CALN1: variants seen among roughly 807,000 people sequenced by gnomAD.
The protein encoded by CALN1 is calcium-binding protein 8.
In CALN1, 17 loss-of-function variants were observed where a neutral mutation model predicts 30.6. That is an observed-to-expected ratio of 0.56 (90% confidence interval 0.38 to 0.83). CALN1 has a LOEUF of 0.83. Among genes scored for constraint, CALN1 ranks in the 40% least tolerant of loss-of-function variants. CALN1 has a pLI of 0.00. For missense variants in CALN1, 291 were observed against 354.9 expected (o/e 0.82, Z 1.45); for synonymous variants, 156 against 131.4 (o/e 1.19, Z -1.28).
rs535616089 is a variant in CALN1, at chr7:72,424,797, A to G, written c.-225-12522T>C. Among the ~76,000 whole-genome samples the G allele has an allele frequency of 2.6e-5, 4 of 152,108 alleles. No individual in the cohort carries two copies. The South Asian group carries it at 6.2e-4, about 24-fold the overall frequency. On this transcript the variant is annotated intron_variant, in intron 1 of 6. Coordinates refer to the CALN1 transcript ENST00000395276. ...TTTTTTGTAGGGATGGGATTTTGCT[A>G]TGTTGACCAGACTGGTCTTAAGCCC...
chr7:72,363,969 A>G (rs1803721989), intron 2 of CALN1, among the ~76,000 whole-genome samples: 1 of 152,130 alleles, frequency 6.6e-6, no homozygotes. Flanking sequence ...CCCTGACCTC[A>G]GGTGATCTGC....
Position 71,786,885 on chromosome 7 carries a change from T to C in CALN1, c.*890A>G, listed in dbSNP as rs987487171. 1 of 152,280 alleles carries C rather than the reference T, an allele frequency of 6.6e-6. No homozygotes were observed. Among genetic ancestry groups the C allele is most frequent in the Admixed American group, 6.6e-5 (1 of 15,248 alleles). 9.4% of individuals were successfully genotyped at this position (152,280 alleles called of 1,614,324 possible). On this transcript the variant is annotated 3_prime_UTR_variant, in exon 7 of 7. Coordinates refer to ENST00000395275, the MANE Select transcript of CALN1 (RefSeq NM_031468.4). ...CCTGCCCCAAAGAAGCAGGGATGAG[T>C]GTGGGAGGGAGGACAAGCTTATATT...
chr7:72,111,084 C>T (rs879799791), intron 3 of CALN1, among the ~76,000 whole-genome samples: 1 of 152,192 alleles, frequency 6.6e-6, no homozygotes, highest in Admixed American at 6.5e-5. Context: ...GCTACGTGAG[C>T]ACGCTGTATC....
In CALN1 at chr7:71,900,899, C is replaced by T. The variant is rs781056669; in HGVS notation, c.502-90407G>A. 9.2e-5 allele frequency among the ~76,000 whole-genome samples: 14 copies of T among 152,298 alleles called. No homozygotes were observed. In the East Asian group the frequency reaches 2.5e-3, roughly 27 times the overall value. On this transcript the variant is annotated intron_variant, in intron 5 of 6. Coordinates refer to ENST00000395275, the MANE Select transcript of CALN1 (RefSeq NM_031468.4). The stretch of plus-strand genomic sequence containing the variant: ...TAGTAGCATGTACAGTAACTGTGCA[C>T]GTGGGCCCAAGAGACCATCCACAAC...
intron 3 of CALN1, among the ~76,000 whole-genome samples, chr7:72,181,774 C>T (rs910314745): frequency 2.0e-5 from 3 of 152,144 alleles, no homozygotes; most frequent in African/African-American, 4.8e-5. Context: ...CACACCCAGC[C>T]GACTTCGGTA....
chr7:71,800,624 T>G (rs191985684), intron 6 of CALN1, among the ~76,000 whole-genome samples: 1 of 152,244 alleles, frequency 6.6e-6, no homozygotes, highest in East Asian at 1.9e-4. Context: ...CTTCCAAATA[T>G]AATATGCTTT....
intron 2 of CALN1, among the ~76,000 whole-genome samples, chr7:72,296,673 ATGGTAGTTTGTATT>A (rs1197453113): frequency 1.4e-5 from 2 of 143,574 alleles, no homozygotes; most frequent in Admixed American, 7.1e-5. Context: ...GTATTCTCTG[ATGGTAGTTTGTATT>A]TCTGTGGGAT....
chr7:72,501,927 AAATAT>A, the CALN1 span, among the ~76,000 whole-genome samples: 3 of 85,260 alleles, frequency 3.5e-5, no homozygotes, highest in Non-Finnish European at 6.5e-5. Context: ...AAAAAAAAAA[AAATAT>A]ATATATATAT....
At chr7:72,161,361 C>G (rs1249025597) in intron 3 of CALN1, among the ~76,000 whole-genome samples, 1 of 152,112 alleles carries the variant, frequency 6.6e-6, no homozygotes, top group Non-Finnish European at 1.5e-5. Context: ...CCAGCCCTGT[C>G]AATTCTCCTT....
intron 5 of CALN1, among the ~76,000 whole-genome samples, chr7:71,830,919 G>A (rs755336040): frequency 2.6e-5 from 4 of 152,140 alleles, no homozygotes; most frequent in Admixed American, 1.3e-4. Flanking sequence ...GTTTGTTATC[G>A]CAGAGGTAAG....
At chr7:72,186,078 G>T (rs978392876) in intron 3 of CALN1, among the ~76,000 whole-genome samples, 1 of 152,052 alleles carries the variant, frequency 6.6e-6, no homozygotes, top group Non-Finnish European at 1.5e-5. Context: ...AAGGGCAGAG[G>T]CATAGCCACA....
At chr7:72,160,822 G>C (rs1788056804) in intron 3 of CALN1, among the ~76,000 whole-genome samples, 1 of 152,182 alleles carries the variant, frequency 6.6e-6, no homozygotes, top group African/African-American at 2.4e-5. Flanking sequence ...ATGGAGAAAG[G>C]TTACCAGCAC....
chr7:71,940,158 T>G (rs1424719778), intron 5 of CALN1, among the ~76,000 whole-genome samples: 1 of 152,180 alleles, frequency 6.6e-6, no homozygotes, highest in Admixed American at 6.5e-5. Context: ...TGATCTCCAC[T>G]TTTTTTCTCC....
At chr7:71,871,199 AT>A (rs1356810267) in intron 5 of CALN1, among the ~76,000 whole-genome samples, 1 of 152,182 alleles carries the variant, frequency 6.6e-6, no homozygotes, top group East Asian at 1.9e-4. Flanking sequence ...TTATTTATTC[AT>A]TTTGGCAAGA....
At chr7:72,154,639 A>G (rs1210224477) in intron 3 of CALN1, among the ~76,000 whole-genome samples, 1 of 152,106 alleles carries the variant, frequency 6.6e-6, no homozygotes, top group Non-Finnish European at 1.5e-5. Context: ...TCCCTCTACT[A>G]AAACTCAGAT....
chr7:72,322,641 A>G (rs1266045396), intron 2 of CALN1, among the ~76,000 whole-genome samples: 2 of 152,088 alleles, frequency 1.3e-5, no homozygotes, highest in African/African-American at 2.4e-5. Flanking sequence ...TAGAGAGTAG[A>G]AGGATGGTTT....
chr7:72,127,795 T>C (rs1050292183), intron 3 of CALN1, among the ~76,000 whole-genome samples: 2 of 152,150 alleles, frequency 1.3e-5, no homozygotes, highest in Non-Finnish European at 2.9e-5. Context: ...CAGTAACTAA[T>C]AACAGCCTTC....
At chr7:72,055,584 G>A (rs1050723502) in intron 4 of CALN1, among the ~76,000 whole-genome samples, 3 of 152,010 alleles carry the variant, frequency 2.0e-5, no homozygotes, top group African/African-American at 7.2e-5. Context: ...AAATAAAATT[G>A]CAACAGACAA....
chr7:71,840,338 A>C (rs1054784418), intron 5 of CALN1, among the ~76,000 whole-genome samples: 5 of 152,142 alleles, frequency 3.3e-5, no homozygotes, highest in African/African-American at 1.2e-4. Context: ...TTTAAAAATT[A>C]GCCGAGCACA....
Sources: allele counts gnomAD v4.1 joint callset (sites outside exome capture counted in the v4.1 genomes callset), GRCh38; gene constraint gnomAD v4.1.1; transcripts MANE v1.5; gene names NCBI Gene and HGNC (gene_info 2026-07-23, HGNC 2026-07-21).